Variants in CPAMD8 observed in about 807,000 individuals in gnomAD.
The protein encoded by CPAMD8 is C3 and PZP-like alpha-2-macroglobulin domain-containing protein 8.
Under a neutral mutation model 224.7 loss-of-function variants are expected in CPAMD8, and 146 were observed. The ratio of observed to expected loss-of-function variants is 0.65; its 90% CI spans 0.57 to 0.75. The LOEUF (loss-of-function observed/expected upper bound fraction) is 0.75. CPAMD8 is among the 30% of genes least tolerant of loss of function. CPAMD8 has a pLI of 0.00. For synonymous variants in CPAMD8, 966 were observed against 1,044.6 expected, an observed-to-expected ratio of 0.92 and a Z score of 1.45; for missense variants, 2,301 against 2,537.5, an observed-to-expected ratio of 0.91 and a Z score of 2.00.
At chr19:16,906,918 G>A (rs555034027) in intron 30 of CPAMD8, 34 bp downstream of exon 30, 25 of 1,555,964 alleles carry the variant, frequency 1.6e-5, no homozygotes, top group South Asian at 1.4e-4. Flanking sequence ...GCTTCCCGAC[G>A]CTGTGGCCTC....
At chr19:16,995,860 A>T (rs35599169) in intron 11 of CPAMD8, among the ~76,000 whole-genome samples, 50,191 of 151,998 alleles carry the variant, frequency 0.33, 8,890 homozygotes, top group East Asian at 0.5. Context: ...ACAAAAAATT[A>T]AAAAATTGAC....
In CPAMD8 at chr19:16,902,753, G is replaced by A. The variant is rs531700758; in HGVS notation, c.4581C>T (p.Ser1527=). 27 of 1,596,110 alleles carry A rather than the reference G, an allele frequency of 1.7e-5. No homozygotes were observed. The highest frequency in any genetic ancestry group is 9.4e-5 in the African/African-American group (7 of 74,606). ...AGTCTCCTCGGGAACCCTCAGCTGC[G>A]GAGGCAGGCATGGGGGGCGGGCGTC... ...AQGRPPPMPA[S]AAEGSRGDWP... The change falls in exon 35 of 42, where the codon TCC becomes TCT. Residue 1527 remains serine (S), a synonymous_variant. Coordinates refer to ENST00000443236, the MANE Select transcript of CPAMD8 (RefSeq NM_015692.5).
Position 17,026,565 on chromosome 19 carries a change from C to A in CPAMD8, c.78G>T (p.Ala26=). The A allele has an allele frequency of 6.6e-7, 1 of 1,525,164 alleles. No homozygotes were observed. The highest frequency in any genetic ancestry group is 8.7e-7 in the Non-Finnish European group (1 of 1,145,438). 94.5% of individuals were successfully genotyped at this position (1,525,164 alleles called of 1,614,324 possible). ...LLSARDGVRA[A]QPQAPGYLIA... ...AGGATACTCACGGGGCCTGAGGCTG[C>A]GCGGCGCGCACGCCGTCCCGCGCCG... Residue 26 remains alanine (A), a synonymous_variant, in exon 1 of 42, where the codon GCG becomes GCT. Coordinates refer to ENST00000443236, the MANE Select transcript of CPAMD8 (RefSeq NM_015692.5).
rs1169452113 is a variant in CPAMD8 at position 16,952,179 on chromosome 19, T to C, written c.2298A>G (p.Thr766=). The change falls in exon 20 of 42, where the codon ACA becomes ACG. Residue 766 remains threonine (T), a synonymous_variant. Transcript: ENST00000443236. ...TGGAGTCCGGGACCTTCACACTGAG[T>C]GTCCCCTCACCAGATGGGTCACTGC... is the stretch of plus-strand genomic sequence containing the variant. ...LNISDPSGEG[T]LSVKVPDSIT... 5 of 1,543,054 alleles carry C rather than the reference T, an allele frequency of 3.2e-6. No individual in the cohort carries two copies. Among genetic ancestry groups the C allele is most frequent in the African/African-American group, 1.4e-5 (1 of 72,804 alleles).
chr19:17,007,587 C>T (rs2056528243), intron 7 of CPAMD8, among the ~76,000 whole-genome samples: 1 of 152,018 alleles, frequency 6.6e-6, no homozygotes, highest in Non-Finnish European at 1.5e-5. Context: ...GAGGAAGGGT[C>T]ACCAACAGAC....
rs757545407 is a variant in CPAMD8 at position 16,970,885 on chromosome 19, C to T, written c.2213+6G>A. On this transcript the variant is annotated splice_donor_region_variant and intron_variant, in intron 18 of 41. Coordinates refer to ENST00000443236, the MANE Select transcript of CPAMD8 (RefSeq NM_015692.5). ...AGAAAACCTTGCTCAATGTATAAGC[C>T]GTTACCTGGGGGGGTGCCTGGAAGG... 19 of 1,613,188 alleles carry T rather than the reference C, an allele frequency of 1.2e-5. No individual in the cohort carries two copies. The highest frequency in any genetic ancestry group is 5.5e-5 in the South Asian group (5 of 91,022).
rs201990682 is a variant in CPAMD8, at chr19:16,980,473, C to T, written c.1585+24G>A. 1.5e-4 allele frequency: 239 copies of T among 1,605,470 alleles called. 1 individual carries two copies. The South Asian group carries it at 2.6e-3, about 17-fold the overall frequency. ...AATTGTTCAGAAGGAAGAACAGGAA[C>T]CTTCTCCCTGCTGCCCGGCTCACCT... On this transcript the variant is annotated intron_variant, in intron 14 of 41. Transcript: ENST00000443236.
At chr19:16,997,449 A>G (rs972618004) in intron 10 of CPAMD8, 111 bp from the exon 11 acceptor site, 36 of 696,780 alleles carry the variant, frequency 5.2e-5, no homozygotes, top group Non-Finnish European at 8.9e-5. Context: ...TTGGAGGGCC[A>G]GGGGTCACTT....
intron 41 of CPAMD8, chr19:16,893,565 T>C (rs2051842900): frequency 8.6e-6 from 4 of 463,532 alleles, no homozygotes; most frequent in Middle Eastern, 5.6e-4. Context: ...CCGGAGAAGA[T>C]GGGCAAATGC....
At chr19:16,985,295 GTGCATGTA>G (rs200450039) in intron 13 of CPAMD8, among the ~76,000 whole-genome samples, 5 of 151,442 alleles carry the variant, frequency 3.3e-5, no homozygotes, top group Non-Finnish European at 7.4e-5. Flanking sequence ...TGGATGAAGG[GTGCATGTA>G]TGGATGGATG....
intron 1 of CPAMD8, among the ~76,000 whole-genome samples, chr19:17,025,127 C>T (rs887605786): frequency 1.3e-5 from 2 of 152,118 alleles, no homozygotes; most frequent in African/African-American, 2.4e-5. Context: ...AACTCTCTAA[C>T]GGGCCAGGCA....
In CPAMD8 at chr19:16,951,985, A is replaced by C; in HGVS notation, c.2492T>G (p.Met831Arg). 1 of 1,573,242 alleles carries C rather than the reference A, an allele frequency of 6.4e-7. No individual in the cohort carries two copies. Among genetic ancestry groups the C allele is most frequent in the South Asian group, 1.2e-5 (1 of 86,228 alleles). ...VKIPLSVYNY[M>R]GTCAEVYMKL... ...GCTGAGTACCTCAGCGCAGGTGCCC[A>C]TGTAGTTGTAGACACTGAGCGGGAT... Residue 831 changes from methionine (M) to arginine (R), a missense_variant, in exon 20 of 42, where the codon ATG (methionine) becomes AGG (arginine). Met to Arg is a moderately conservative substitution (Grantham distance 91, BLOSUM62 -1). Around this residue, in one of 4 missense-constraint regions of CPAMD8, gnomAD observed 1,709 missense variants for 1,753.2 expected, o/e 0.97. Transcript: ENST00000443236.
chr19:16,975,096 C>CTTAA lies in CPAMD8; in HGVS notation c.2070_2070+1insTTAA (p.Glu691LeufsTer26). ...AGGGATCTGAGACCACCTCTCCTTA[C>CTTAA]GGTGAAGGCAAACCCAGAGTCCTTG... On this transcript the variant is annotated frameshift_variant and splice_region_variant. Transcript: ENST00000443236. LOFTEE classifies it high-confidence loss of function. 6.2e-7 allele frequency: 1 copy of CTTAA among 1,611,456 alleles called. No homozygotes were observed. The highest frequency in any genetic ancestry group is 8.5e-7 in the Non-Finnish European group (1 of 1,179,558).
At chr19:16,969,393 C>G (rs1249705684) in intron 18 of CPAMD8, among the ~76,000 whole-genome samples, 1 of 152,168 alleles carries the variant, frequency 6.6e-6, no homozygotes, top group Non-Finnish European at 1.5e-5. Flanking sequence ...CTGCTCAACA[C>G]TCTACAGTGC....
intron 23 of CPAMD8, 63 bp downstream of exon 23, chr19:16,938,332 A>C: frequency 2.4e-6 from 2 of 845,924 alleles, no homozygotes; most frequent in Admixed American, 6.1e-5. Context: ...GGAAAGGGGG[A>C]AGGCCAAAGT....
intron 9 of CPAMD8, among the ~76,000 whole-genome samples, chr19:17,001,459 A>G (rs1599881969): frequency 1.9e-5 from 2 of 103,452 alleles, no homozygotes; most frequent in African/African-American, 6.7e-5. Context: ...TGGGGTTGGG[A>G]GGGTCACACC....
At chr19:16,985,871 A>G (rs978353913) in intron 13 of CPAMD8, among the ~76,000 whole-genome samples, 1 of 152,032 alleles carries the variant, frequency 6.6e-6, no homozygotes, top group Non-Finnish European at 1.5e-5. Flanking sequence ...GAATGAAAGG[A>G]TATAGGCAAA....
chr19:16,899,605 A>C lies in CPAMD8; in HGVS notation c.4774-56T>G. On this transcript the variant is annotated intron_variant, in intron 36 of 41. Coordinates refer to ENST00000443236, the MANE Select transcript of CPAMD8 (RefSeq NM_015692.5). The surrounding 1 kb of genome is among the most constrained non-coding windows in gnomAD (Gnocchi z 5.4). Reference sequence around the variant, plus strand: ...AGACTCTCTACTTGCTTCCTCTCCCATCCCCTGGGGGCAGTGGTCAGTGGG... The same window carrying C: ...AGACTCTCTACTTGCTTCCTCTCCCCTCCCCTGGGGGCAGTGGTCAGTGGG... 1.2e-6 allele frequency: 1 copy of C among 847,294 alleles called. No individual in the cohort carries two copies. The highest frequency in any genetic ancestry group is 2.1e-6 in the Non-Finnish European group (1 of 483,392). The allele number at this position is 847,294 out of a possible 1,614,324, so 52.5% of individuals were successfully genotyped here.
intron 22 of CPAMD8, among the ~76,000 whole-genome samples, chr19:16,940,458 C>G (rs1385146762): frequency 1.1e-5 from 1 of 94,464 alleles, no homozygotes; most frequent in Non-Finnish European, 2.1e-5. Context: ...TTCTTCATCT[C>G]TAAGATGGGG....
Sources: allele counts gnomAD v4.1 joint callset (sites outside exome capture counted in the v4.1 genomes callset), GRCh38; gene constraint gnomAD v4.1.1; regional missense constraint gnomAD v4.1.1; non-coding constraint Gnocchi (gnomAD v3.1); transcripts MANE v1.5; gene names NCBI Gene and HGNC (gene_info 2026-07-23, HGNC 2026-07-21).